Variants in INPP4B observed in about 807,000 individuals in gnomAD.
INPP4B encodes inositol polyphosphate 4-phosphatase type II.
Under a neutral mutation model 122.5 loss-of-function variants are expected in INPP4B, and 55 were observed. The ratio of observed to expected loss-of-function variants is 0.45; its 90% CI spans 0.36 to 0.56. The LOEUF is 0.56. Among genes scored for constraint, INPP4B ranks in the 20% least tolerant of loss-of-function variants. The pLI is 0.00. For synonymous variants in INPP4B, 403 were observed against 388.7 expected (o/e 1.04, Z -0.43); for missense variants, 1,000 against 1,097.7 (o/e 0.91, Z 1.26).
intron 2 of INPP4B, among the ~76,000 whole-genome samples, chr4:142,702,730 CAAAAAA>C (rs35472471): frequency 1.6e-5 from 1 of 64,326 alleles, no homozygotes; most frequent in Non-Finnish European, 2.9e-5. Context: ...AACTCCGTCT[CAAAAAA>C]AAAAAAAAAA....
chr4:142,319,392 A>G (rs1046442106), intron 7 of INPP4B, among the ~76,000 whole-genome samples: 6 of 152,212 alleles, frequency 3.9e-5, no homozygotes, highest in African/African-American at 7.2e-5. Context: ...CTAATTCTCT[A>G]TGTACCTCAA....
chr4:142,571,181 A>G (rs1389434095), intron 2 of INPP4B, among the ~76,000 whole-genome samples: 3 of 151,506 alleles, frequency 2.0e-5, no homozygotes, highest in Admixed American at 2.0e-4. Context: ...AAAGCTTCCA[A>G]TCCACCCAGC....
chr4:142,712,736 T>C lies in INPP4B; in HGVS notation c.-191+13103A>G, dbSNP rs554313674. On this transcript the variant is annotated intron_variant, in intron 2 of 25. Coordinates refer to ENST00000262992, the MANE Select transcript of INPP4B (RefSeq NM_001101669.3). ...TAACCCACTAAGATTTTTCCCCTAA[T>C]AATAAATAAGTACTTCTCCCCAGCC... Among the ~76,000 whole-genome samples the C allele has an allele frequency of 7.2e-5, 11 of 152,284 alleles. No individual in the cohort carries two copies. In the South Asian group the frequency reaches 2.1e-3, roughly 29 times the overall value.
chr4:142,396,272 A>G (rs1474410557), intron 7 of INPP4B, among the ~76,000 whole-genome samples: 1 of 152,170 alleles, frequency 6.6e-6, no homozygotes, highest in Non-Finnish European at 1.5e-5. Context: ...AAGAAGAAAA[A>G]GAACCCTTTT....
At chr4:142,427,508 C>T in intron 5 of INPP4B, 1 of 648,924 alleles carries the variant, frequency 1.5e-6, no homozygotes, top group South Asian at 1.8e-5. Context: ...GGTGTTGTTA[C>T]TGAAATTTAC....
chr4:142,209,921 C>G (rs1844204013), intron 12 of INPP4B, among the ~76,000 whole-genome samples: 1 of 151,968 alleles, frequency 6.6e-6, no homozygotes, highest in Non-Finnish European at 1.5e-5. Context: ...GCGTTGCTCC[C>G]TCTTTATCAA....
At chr4:142,161,901 G>T (rs1820309646) in intron 16 of INPP4B, among the ~76,000 whole-genome samples, 1 of 151,686 alleles carries the variant, frequency 6.6e-6, no homozygotes, top group Non-Finnish European at 1.5e-5. Context: ...AGCACAAATG[G>T]AACAGGAATG....
At chr4:142,436,482 C>T (rs892505746) in intron 3 of INPP4B, among the ~76,000 whole-genome samples, 3 of 152,084 alleles carry the variant, frequency 2.0e-5, no homozygotes, top group African/African-American at 7.2e-5. Context: ...CATCAGACAC[C>T]CTATACAGGA....
chr4:142,281,551 G>A (rs1751220201), intron 9 of INPP4B, among the ~76,000 whole-genome samples: 1 of 152,056 alleles, frequency 6.6e-6, no homozygotes, highest in East Asian at 1.9e-4. Flanking sequence ...TAGAGAATTT[G>A]TATGCTTTTG....
At chr4:142,273,794 C>G (rs925648553) in intron 9 of INPP4B, among the ~76,000 whole-genome samples, 1 of 151,788 alleles carries the variant, frequency 6.6e-6, no homozygotes, top group Non-Finnish European at 1.5e-5. Flanking sequence ...TTTTTACATG[C>G]CCTAAAGCAT....
chr4:142,328,571 C>G (rs1308095801), intron 7 of INPP4B, among the ~76,000 whole-genome samples: 1 of 152,172 alleles, frequency 6.6e-6, no homozygotes. Context: ...ATGCAGGTCT[C>G]TCCTGTTGAT....
chr4:142,474,862 C>T (rs1015557397), intron 2 of INPP4B, among the ~76,000 whole-genome samples: 4 of 152,138 alleles, frequency 2.6e-5, no homozygotes, highest in African/African-American at 9.7e-5. Flanking sequence ...TTTACTTTTA[C>T]TTAAATTTGC....
chr4:142,542,139 CT>C (rs1829012649), intron 2 of INPP4B, among the ~76,000 whole-genome samples: 1 of 152,208 alleles, frequency 6.6e-6, no homozygotes, highest in African/African-American at 2.4e-5. Flanking sequence ...CCAAAAAGTT[CT>C]GGATCTCAGG....
chr4:142,044,622 A>C (rs1456094695), intron 25 of INPP4B, among the ~76,000 whole-genome samples: 1 of 152,114 alleles, frequency 6.6e-6, no homozygotes, highest in African/African-American at 2.4e-5. Flanking sequence ...AGAAAAAAAA[A>C]CACACAGAAC....
chr4:142,747,208 T>C (rs1366470607), intron 1 of INPP4B, among the ~76,000 whole-genome samples: 2 of 151,516 alleles, frequency 1.3e-5, no homozygotes, highest in Non-Finnish European at 2.9e-5. Flanking sequence ...AAAAAGTGGG[T>C]GAAGGATATG....
At chr4:142,659,735 A>G (rs1282313035) in intron 2 of INPP4B, among the ~76,000 whole-genome samples, 1 of 152,124 alleles carries the variant, frequency 6.6e-6, no homozygotes, top group African/African-American at 2.4e-5. Context: ...GCCAAGCACC[A>G]TGCACCCAAA....
intron 2 of INPP4B, chr4:142,514,503 GTTA>G (rs528349622): frequency 6.4e-4 from 98 of 152,184 alleles, no homozygotes; most frequent in African/African-American, 2.2e-3. Context: ...TTATATTGCT[GTTA>G]TTATTTTTTG....
At position 142,635,867 on chromosome 4, in the gene INPP4B, TA is replaced by T. The variant is rs1330276287; in HGVS notation, c.-191+89971del. On this transcript the variant is annotated intron_variant, in intron 2 of 25. Transcript: ENST00000262992. ...TACCCCTGAACCTAAAATAAAAGTC[TA>T]AAAAAATTAATAAGTTTTGAAAGAT... Among the ~76,000 whole-genome samples, 11 of 152,146 alleles carry T rather than the reference TA, an allele frequency of 7.2e-5. No homozygotes were observed. The East Asian group carries it at 1.9e-3, about 27-fold the overall frequency.
chr4:142,256,192 T>C (rs1165451174), intron 11 of INPP4B, among the ~76,000 whole-genome samples: 19 of 150,090 alleles, frequency 1.3e-4, no homozygotes, highest in Admixed American at 8.0e-4. Context: ...ATCTCTGGGA[T>C]GCATTCAAAG....
Sources: gnomAD v4.1 joint callset for allele counts (sites outside exome capture counted in the v4.1 genomes callset) on GRCh38, gnomAD v4.1.1 for gene constraint, MANE v1.5 for transcripts, NCBI Gene and HGNC (gene_info 2026-07-23, HGNC 2026-07-21) for gene names.